The following EXOC6 variants were observed in gnomAD, a reference collection of about 807,000 sequenced individuals.
EXOC6 encodes the protein SEC15-like 1.
Under a neutral mutation model 112.5 loss-of-function variants are expected in EXOC6, and 60 were observed. The ratio of observed to expected loss-of-function variants is 0.53; its 90% CI spans 0.43 to 0.66. The LOEUF is 0.66. Ranked by LOEUF, EXOC6 falls within the 30% of genes least tolerant of loss-of-function variation. The pLI is 0.00. For missense variants in EXOC6, 855 were observed against 957.1 expected, an observed-to-expected ratio of 0.89 and a Z score of 1.41; for synonymous variants, 295 against 308.0, an observed-to-expected ratio of 0.96 and a Z score of 0.44.
chr10:92,937,127 T>C (rs1852386222), intron 12 of EXOC6, among the ~76,000 whole-genome samples: 1 of 152,242 alleles, frequency 6.6e-6, no homozygotes. Context: ...TGATCACAGA[T>C]AATAAAGAAT....
chr10:92,948,761 A>T (rs1853211913), intron 14 of EXOC6, among the ~76,000 whole-genome samples: 1 of 152,164 alleles, frequency 6.6e-6, no homozygotes, highest in South Asian at 2.1e-4. Context: ...TAATAAGAGT[A>T]TATCCTAGTG....
chr10:92,876,462 T>C (rs1409740096), intron 1 of EXOC6, among the ~76,000 whole-genome samples: 2 of 152,204 alleles, frequency 1.3e-5, no homozygotes, highest in Non-Finnish European at 2.9e-5. Context: ...TAGAGGTAGA[T>C]GTGGATGCAG....
At chr10:93,042,458 C>A (rs930249159) in intron 20 of EXOC6, among the ~76,000 whole-genome samples, 1 of 152,216 alleles carries the variant, frequency 6.6e-6, no homozygotes, top group Non-Finnish European at 1.5e-5. Context: ...CCATTACCGT[C>A]TTTTCATCAC....
In EXOC6 at chr10:92,993,272, GT is replaced by G. The variant is rs566434583; in HGVS notation, c.1954-4201del. On this transcript the variant is annotated intron_variant, in intron 18 of 21. Coordinates refer to ENST00000260762, the MANE Select transcript of EXOC6 (RefSeq NM_019053.6). Reference sequence around the variant, plus strand: ...TATTTCTTTTTACTTAAGTAAAAAAGTAGTTTATTGTACAAAGTTAACCTTT... The same window carrying G: ...TATTTCTTTTTACTTAAGTAAAAAAGAGTTTATTGTACAAAGTTAACCTTT... Among the ~76,000 whole-genome samples, 552 of 152,190 alleles carry G rather than the reference GT, an allele frequency of 3.6e-3. 3 individuals carry two copies. Among genetic ancestry groups the G allele is most frequent in the African/African-American group, 0.013 (526 of 41,554 alleles).
intron 20 of EXOC6, among the ~76,000 whole-genome samples, chr10:93,024,616 C>T (rs1844937719): frequency 6.6e-6 from 1 of 151,996 alleles, no homozygotes; most frequent in African/African-American, 2.4e-5. Flanking sequence ...CAGTGTTCCA[C>T]CATGTTGGCC....
chr10:93,034,654 T>G (rs1845429044), intron 20 of EXOC6, among the ~76,000 whole-genome samples: 1 of 152,192 alleles, frequency 6.6e-6, no homozygotes, highest in Non-Finnish European at 1.5e-5. Context: ...GAAATTTCTG[T>G]CTTCTGTTTC....
intron 17 of EXOC6, among the ~76,000 whole-genome samples, chr10:92,973,392 G>GT (rs1842373702): frequency 6.6e-6 from 1 of 152,176 alleles, no homozygotes; most frequent in Non-Finnish European, 1.5e-5. Context: ...AGATTTAGCT[G>GT]TTTTTCTTGA....
chr10:93,053,792 C>T (rs1846413430), intron 20 of EXOC6, among the ~76,000 whole-genome samples: 1 of 152,214 alleles, frequency 6.6e-6, no homozygotes, highest in South Asian at 2.1e-4. Context: ...TATGAGCTTG[C>T]CTGCCCAGTT....
intron 18 of EXOC6, among the ~76,000 whole-genome samples, chr10:92,989,861 G>A (rs915073942): frequency 3.3e-4 from 51 of 152,248 alleles, no homozygotes; most frequent in African/African-American, 1.2e-3. Flanking sequence ...TGAAAGTTTG[G>A]CACTTGAATA....
At chr10:92,829,045 C>T (rs796510378) in intron 1 of EXOC6, among the ~76,000 whole-genome samples, 24 of 152,142 alleles carry the variant, frequency 1.6e-4, no homozygotes, top group African/African-American at 4.6e-4. Context: ...GAAGCTTGCG[C>T]GGGTAGAATG....
intron 13 of EXOC6, among the ~76,000 whole-genome samples, chr10:92,946,712 T>C (rs1191456146): frequency 6.6e-6 from 1 of 152,180 alleles, no homozygotes. Context: ...CTACTTGTGG[T>C]TTTACACCCC....
chr10:92,849,182 C>G (rs2497331), intron 1 of EXOC6, among the ~76,000 whole-genome samples: 37,040 of 152,044 alleles, frequency 0.24, 5,450 homozygotes, highest in Non-Finnish European at 0.33. Context: ...CGCGCGGCCG[C>G]AGTGGGCGAG....
chr10:92,945,035 G>A (rs1589881941), intron 13 of EXOC6, among the ~76,000 whole-genome samples: 3 of 152,088 alleles, frequency 2.0e-5, no homozygotes. Flanking sequence ...GCCTCCCAAA[G>A]TGCTGGGATT....
chr10:92,841,725 G>T (rs1355929630), intron 1 of EXOC6, among the ~76,000 whole-genome samples: 3 of 152,144 alleles, frequency 2.0e-5, no homozygotes, highest in African/African-American at 7.2e-5. Context: ...CAACCAGGGG[G>T]ACAGTTTTGC....
intron 17 of EXOC6, among the ~76,000 whole-genome samples, chr10:92,965,113 G>A (rs1416709241): frequency 6.6e-6 from 1 of 152,168 alleles, no homozygotes; most frequent in East Asian, 1.9e-4. Context: ...GGGGCAGGGT[G>A]ATTTTCCAAA....
intron 19 of EXOC6, among the ~76,000 whole-genome samples, chr10:92,998,697 TA>T (rs901360725): frequency 2.0e-5 from 3 of 150,254 alleles, no homozygotes; most frequent in South Asian, 2.1e-4. Flanking sequence ...CCCATTTATT[TA>T]AAAAAAAAGA....
intron 17 of EXOC6, among the ~76,000 whole-genome samples, chr10:92,964,206 T>G (rs1854176099): frequency 6.6e-6 from 1 of 151,698 alleles, no homozygotes; most frequent in Admixed American, 6.6e-5. Flanking sequence ...ATTGCCACAT[T>G]AACATCTAAA....
Position 93,036,536 on chromosome 10 carries a change from GTCTA to G in EXOC6, c.2170-20382_2170-20379del, listed in dbSNP as rs549321366. Among the ~76,000 whole-genome samples the G allele has an allele frequency of 1.3e-4, 20 of 151,980 alleles. No individual in the cohort carries two copies. The South Asian group carries it at 1.7e-3, about 13-fold the overall frequency. ...TGGACATTATGGATTCTTTAGTTTT[GTCTA>G]TCTATTAATGAAGCTGCCATTAATA... On this transcript the variant is annotated intron_variant, in intron 20 of 21. Coordinates refer to ENST00000260762, the MANE Select transcript of EXOC6 (RefSeq NM_019053.6).
upstream of EXOC6, among the ~76,000 whole-genome samples, chr10:92,843,976 CAA>C (rs34641974): frequency 5.3e-4 from 20 of 37,910 alleles, no homozygotes; most frequent in East Asian, 0.015. Context: ...GACTCTGTCT[CAA>C]AAAAAAAAAA....
Sources: allele counts gnomAD v4.1 joint callset (sites outside exome capture counted in the v4.1 genomes callset), GRCh38; gene constraint gnomAD v4.1.1; transcripts MANE v1.5; gene names NCBI Gene and HGNC (gene_info 2026-07-23, HGNC 2026-07-21).